Variants in CSMD1 observed in about 807,000 individuals in gnomAD.
CSMD1 encodes CUB and sushi domain-containing protein 1.
A neutral mutation model predicts 417.5 loss-of-function variants in CSMD1; 213 were observed. The observed-to-expected ratio is 0.51, with a 90% CI of 0.46 to 0.57. CSMD1 has a LOEUF of 0.57. Ranked by LOEUF, CSMD1 falls within the 20% of genes least tolerant of loss-of-function variation. The pLI is 0.00. For missense variants in CSMD1, 6,923 were observed against 4,529.7 expected (o/e 1.53, Z -15.17); for synonymous variants, 2,862 against 1,736.8 (o/e 1.65, Z -16.11).
intron 11 of CSMD1, among the ~76,000 whole-genome samples, chr8:3,493,017 G>C (rs1369247425): frequency 1.3e-5 from 2 of 152,132 alleles, no homozygotes. Flanking sequence ...TGTTGGCTGG[G>C]TGCGGTGGTT....
rs991492344 is a variant in CSMD1, at chr8:4,633,392, G to T, written c.302+3950C>A. On this transcript the variant is annotated intron_variant, in intron 2 of 69. Coordinates refer to ENST00000635120, the MANE Select transcript of CSMD1 (RefSeq NM_033225.6). ...CTCCCTAGTAGCTGGGACTACAGGCGCCCACCACCACGCCCAGCTAATTTT... is the reference window on the plus strand; with the variant it reads ...CTCCCTAGTAGCTGGGACTACAGGCTCCCACCACCACGCCCAGCTAATTTT... Among the ~76,000 whole-genome samples, 8 of 151,620 alleles carry T rather than the reference G, an allele frequency of 5.3e-5. No individual in the cohort carries two copies. The South Asian group carries it at 8.3e-4, about 16-fold the overall frequency.
chr8:3,567,573 G>A (rs1309468014), intron 10 of CSMD1, among the ~76,000 whole-genome samples: 1 of 151,602 alleles, frequency 6.6e-6, no homozygotes, highest in East Asian at 1.9e-4. Flanking sequence ...GAAGGAAAGG[G>A]AAGGGAAAGG....
intron 10 of CSMD1, among the ~76,000 whole-genome samples, chr8:3,518,344 C>T (rs774492048): frequency 2.4e-4 from 36 of 152,194 alleles, no homozygotes; most frequent in Non-Finnish European, 3.8e-4. Flanking sequence ...TGCAAACCTG[C>T]GTACCAACAT....
chr8:3,086,010 G>GT (rs1419584375), intron 49 of CSMD1, among the ~76,000 whole-genome samples: 1 of 152,072 alleles, frequency 6.6e-6, no homozygotes, highest in East Asian at 1.9e-4. Context: ...CCAGGCTGCC[G>GT]TTTGGGCTGT....
At chr8:3,804,631 T>C (rs545087825) in intron 5 of CSMD1, among the ~76,000 whole-genome samples, 2 of 152,218 alleles carry the variant, frequency 1.3e-5, no homozygotes, top group East Asian at 1.9e-4. Context: ...CACTTTACGA[T>C]AAAATGCACA....
chr8:3,505,862 G>A (rs962070993), intron 10 of CSMD1, among the ~76,000 whole-genome samples: 21 of 152,162 alleles, frequency 1.4e-4, no homozygotes, highest in African/African-American at 4.6e-4. Flanking sequence ...GCTGAAAGGT[G>A]AACTTCAAAT....
In CSMD1 at chr8:4,296,829, A is replaced by G. The variant is rs74994362; in HGVS notation, c.415+123124T>C. Among the ~76,000 whole-genome samples, 12 of 150,976 alleles carry G rather than the reference A, an allele frequency of 7.9e-5. No homozygotes were observed. In the East Asian group the frequency reaches 2.2e-3, roughly 27 times the overall value. ...GTGATTATTGTATTCATCTGAAGAT[A>G]TCTGTGGAGGGCCTGCTATCTCCCA... is the stretch of plus-strand genomic sequence containing the variant. On this transcript the variant is annotated intron_variant, in intron 3 of 69. Transcript: ENST00000635120.
At chr8:4,344,930 G>C (rs1021480226) in intron 3 of CSMD1, among the ~76,000 whole-genome samples, 4 of 152,166 alleles carry the variant, frequency 2.6e-5, no homozygotes, top group Non-Finnish European at 5.9e-5. Context: ...GTTGTGGTCA[G>C]CTGGTCTCTG....
intron 5 of CSMD1, among the ~76,000 whole-genome samples, chr8:3,821,052 G>C (rs1035152552): frequency 6.6e-6 from 1 of 152,032 alleles, no homozygotes; most frequent in Non-Finnish European, 1.5e-5. Flanking sequence ...CAGTAGCTGG[G>C]ATTACAGGTG....
At position 3,015,207 on chromosome 8, in the gene CSMD1, C is replaced by G. The variant is rs11785232; in HGVS notation, c.8029+3270G>C. Among the ~76,000 whole-genome samples, 1,207 of 152,132 alleles carry G rather than the reference C, an allele frequency of 7.9e-3. 9 individuals carry two copies. The highest frequency in any genetic ancestry group is 0.011 in the Non-Finnish European group (780 of 68,014). On this transcript the variant is annotated intron_variant, in intron 52 of 69. Transcript: ENST00000635120. ...AGGCAGCTCTCTTGGGGTTCCTCACCCTTCACATCATTTCCAGTTTGTGGT... is the reference window on the plus strand; with the variant it reads ...AGGCAGCTCTCTTGGGGTTCCTCACGCTTCACATCATTTCCAGTTTGTGGT...
At chr8:4,165,281 A>C (rs1797390878) in intron 3 of CSMD1, among the ~76,000 whole-genome samples, 1 of 152,228 alleles carries the variant, frequency 6.6e-6, no homozygotes, top group African/African-American at 2.4e-5. Context: ...ACAGCTGTTG[A>C]TCCACTCGGT....
chr8:3,440,339 T>A (rs1301295628), intron 12 of CSMD1, among the ~76,000 whole-genome samples: 5 of 152,218 alleles, frequency 3.3e-5, no homozygotes, highest in African/African-American at 1.2e-4. Flanking sequence ...ATTGTATAGT[T>A]TTCAGTCTAT....
intron 10 of CSMD1, among the ~76,000 whole-genome samples, chr8:3,555,860 G>A (rs888983134): frequency 2.0e-5 from 3 of 152,088 alleles, no homozygotes; most frequent in Non-Finnish European, 2.9e-5. Flanking sequence ...TATACATAGT[G>A]GAGCATTTTA....
intron 42 of CSMD1, among the ~76,000 whole-genome samples, chr8:3,115,718 T>A (rs1237795196): frequency 6.6e-6 from 1 of 152,238 alleles, no homozygotes; most frequent in Non-Finnish European, 1.5e-5. Flanking sequence ...TTAACATGTA[T>A]TTTCAGTATA....
intron 12 of CSMD1, among the ~76,000 whole-genome samples, chr8:3,416,819 T>A (rs776031023): frequency 6.6e-6 from 1 of 152,230 alleles, no homozygotes; most frequent in Non-Finnish European, 1.5e-5. Flanking sequence ...CACAAGTAGA[T>A]GAGAACTCCA....
intron 3 of CSMD1, among the ~76,000 whole-genome samples, chr8:4,279,973 T>C (rs1157797488): frequency 6.6e-6 from 1 of 152,216 alleles, no homozygotes; most frequent in Non-Finnish European, 1.5e-5. Flanking sequence ...CATCAAAGGA[T>C]ACTGGTGTTT....
intron 3 of CSMD1, among the ~76,000 whole-genome samples, chr8:4,158,657 C>A (rs1413059732): frequency 1.3e-5 from 2 of 152,066 alleles, no homozygotes; most frequent in African/African-American, 4.8e-5. Context: ...AGTGGAAGAT[C>A]AACGCCGTAA....
chr8:4,855,577 A>G (rs1673615205), intron 1 of CSMD1, among the ~76,000 whole-genome samples: 2 of 152,194 alleles, frequency 1.3e-5, no homozygotes, highest in Non-Finnish European at 1.5e-5. Flanking sequence ...AAAGGAGCTG[A>G]TGGAGCTGAA....
intron 12 of CSMD1, among the ~76,000 whole-genome samples, chr8:3,452,187 A>T (rs181272161): frequency 1.5e-3 from 233 of 152,358 alleles, no homozygotes; most frequent in African/African-American, 5.5e-3. Flanking sequence ...ACTTTGCTAA[A>T]GTTGCTTATC....
Sources: gnomAD v4.1 joint callset for allele counts (sites outside exome capture counted in the v4.1 genomes callset) on GRCh38, gnomAD v4.1.1 for gene constraint, MANE v1.5 for transcripts, NCBI Gene and HGNC (gene_info 2026-07-23, HGNC 2026-07-21) for gene names.